Variants in CFAP299 observed in about 807,000 individuals in gnomAD.
CFAP299 encodes cilia and flagella associated protein 299, also known as cilia- and flagella-associated protein 299.
Under a neutral mutation model 27.0 loss-of-function variants are expected in CFAP299, and 21 were observed. The ratio of observed to expected loss-of-function variants is 0.78; its 90% CI spans 0.55 to 1.12. The LOEUF is 1.12. CFAP299 is among the 50% of genes most tolerant of loss of function. The pLI is 0.00. For synonymous variants in CFAP299, 104 were observed against 98.1 expected (o/e 1.06, Z -0.36); for missense variants, 310 against 276.6 (o/e 1.12, Z -0.86).
chr4:80,572,113 T>A (rs1372366818), intron 2 of CFAP299, among the ~76,000 whole-genome samples: 1 of 152,156 alleles, frequency 6.6e-6, no homozygotes, highest in Non-Finnish European at 1.5e-5. Flanking sequence ...TTTTGATACA[T>A]GCAGAGTAAA....
Position 80,816,275 on chromosome 4 carries a change from T to C in CFAP299, c.334-53718T>C, listed in dbSNP as rs554165318. On this transcript the variant is annotated intron_variant, in intron 3 of 5. Coordinates refer to ENST00000358105, the MANE Select transcript of CFAP299 (RefSeq NM_152770.3). ...GATTCTTCCAAATCTAGAGCCAATA[T>C]GTGAACTGTAGCAAAGATAAAATAA... Among the ~76,000 whole-genome samples, 179 of 152,256 alleles carry C rather than the reference T, an allele frequency of 1.2e-3. 2 individuals are homozygous for C. Among genetic ancestry groups the C allele is most frequent in the Non-Finnish European group, 2.2e-3 (150 of 68,012 alleles).
chr4:80,583,703 T>C (rs1369763950), intron 3 of CFAP299, among the ~76,000 whole-genome samples: 1 of 151,946 alleles, frequency 6.6e-6, no homozygotes, highest in Non-Finnish European at 1.5e-5. Flanking sequence ...CTATATCAAA[T>C]ATGTAGAGAA....
chr4:80,874,546 C>A (rs2110171189), intron 4 of CFAP299, among the ~76,000 whole-genome samples: 1 of 152,178 alleles, frequency 6.6e-6, no homozygotes, highest in East Asian at 1.9e-4. Flanking sequence ...AAATCCAAGA[C>A]CAAGGTGCTG....
chr4:80,810,813 G>C (rs1388202060), intron 3 of CFAP299, among the ~76,000 whole-genome samples: 1 of 152,006 alleles, frequency 6.6e-6, no homozygotes, highest in Non-Finnish European at 1.5e-5. Context: ...ATCATCCCAT[G>C]CATCTTATAA....
At chr4:80,868,787 T>A (rs1424477766) in intron 3 of CFAP299, among the ~76,000 whole-genome samples, 1 of 151,732 alleles carries the variant, frequency 6.6e-6, no homozygotes, top group African/African-American at 2.4e-5. Context: ...CAATATCTAG[T>A]CTGCCATTCT....
chr4:80,740,984 G>A (rs1473634996), intron 3 of CFAP299, among the ~76,000 whole-genome samples: 19 of 152,154 alleles, frequency 1.2e-4, no homozygotes, highest in Admixed American at 1.2e-3. Flanking sequence ...TGCTCTCCAA[G>A]AGCCTAGACC....
At chr4:80,676,519 TG>T (rs1280595452) in intron 3 of CFAP299, among the ~76,000 whole-genome samples, 16 of 152,192 alleles carry the variant, frequency 1.1e-4, no homozygotes, top group African/African-American at 3.1e-4. Context: ...TTGAAAAGTT[TG>T]GTAGGATTGG....
intron 3 of CFAP299, among the ~76,000 whole-genome samples, chr4:80,733,865 T>C (rs1467575183): frequency 6.6e-6 from 1 of 152,162 alleles, no homozygotes; most frequent in Admixed American, 6.6e-5. Flanking sequence ...TCCATTCATC[T>C]GTTGATGGAC....
At chr4:80,819,432 C>T (rs1181562939) in intron 3 of CFAP299, among the ~76,000 whole-genome samples, 1 of 151,974 alleles carries the variant, frequency 6.6e-6, no homozygotes, top group Non-Finnish European at 1.5e-5. Context: ...CGAATGGAAT[C>T]AGATAAAAGT....
intron 3 of CFAP299, among the ~76,000 whole-genome samples, chr4:80,687,931 C>T (rs144869224): frequency 0.033 from 4,977 of 152,190 alleles, 288 homozygotes; most frequent in African/African-American, 0.11. Flanking sequence ...GGGTGACAGA[C>T]GGCACCTGGA....
At chr4:80,845,956 G>A (rs116524380) in intron 3 of CFAP299, among the ~76,000 whole-genome samples, 2,599 of 152,198 alleles carry the variant, frequency 0.017, 74 homozygotes, top group African/African-American at 0.058. Flanking sequence ...ATGAAAAGTG[G>A]TAGAAGAAAT....
chr4:80,789,274 C>T (rs1379432192), intron 3 of CFAP299, among the ~76,000 whole-genome samples: 1 of 151,836 alleles, frequency 6.6e-6, no homozygotes, highest in Non-Finnish European at 1.5e-5. Context: ...GTCCTAAAAT[C>T]TGGGCATGCC....
chr4:80,519,991 C>A (rs1053263350), intron 2 of CFAP299, among the ~76,000 whole-genome samples: 1 of 152,090 alleles, frequency 6.6e-6, no homozygotes, highest in Non-Finnish European at 1.5e-5. Context: ...TGGGCTAGGA[C>A]AAAGAGAGCT....
chr4:80,800,197 T>G (rs1357259123), intron 3 of CFAP299, among the ~76,000 whole-genome samples: 2 of 74,336 alleles, frequency 2.7e-5, no homozygotes, highest in African/African-American at 1.1e-4. Context: ...TAATACTATA[T>G]AATATAATAT....
chr4:80,498,603 G>A (rs1731577131), intron 2 of CFAP299, among the ~76,000 whole-genome samples: 1 of 152,100 alleles, frequency 6.6e-6, no homozygotes, highest in African/African-American at 2.4e-5. Flanking sequence ...TCAGATGATG[G>A]TGAGGTTGTG....
intron 3 of CFAP299, among the ~76,000 whole-genome samples, chr4:80,694,784 T>C (rs1720983534): frequency 6.6e-6 from 1 of 152,228 alleles, no homozygotes. Context: ...TAAGGTGAAA[T>C]TGCTAGTTTG....
intron 2 of CFAP299, among the ~76,000 whole-genome samples, chr4:80,448,852 C>G (rs931684944): frequency 6.6e-6 from 1 of 152,014 alleles, no homozygotes; most frequent in African/African-American, 2.4e-5. Flanking sequence ...AGAAACTTAC[C>G]AAACATTTTT....
chr4:80,346,894 C>T (rs1321485917), intron 1 of CFAP299, among the ~76,000 whole-genome samples: 2 of 152,188 alleles, frequency 1.3e-5, no homozygotes, highest in African/African-American at 4.8e-5. Flanking sequence ...ATTGATTCTT[C>T]CTATCCGTGA....
intron 2 of CFAP299, among the ~76,000 whole-genome samples, chr4:80,420,806 G>A (rs545256337): frequency 4.1e-4 from 63 of 151,982 alleles, no homozygotes; most frequent in Admixed American, 2.0e-4. Context: ...CTCTGGTTTC[G>A]CTACTCTCTA....
Sources: allele counts gnomAD v4.1 joint callset (sites outside exome capture counted in the v4.1 genomes callset), GRCh38; gene constraint gnomAD v4.1.1; transcripts MANE v1.5; gene names NCBI Gene and HGNC (gene_info 2026-07-23, HGNC 2026-07-21).